Variants in AHCYL2 observed in about 807,000 individuals in gnomAD.
AHCYL2 encodes the protein S-adenosylhomocysteine hydrolase-like protein 2.
A neutral mutation model predicts 81.4 loss-of-function variants in AHCYL2; 28 were observed. The ratio of observed to expected loss-of-function variants is 0.34; its 90% CI spans 0.25 to 0.47. AHCYL2 has a LOEUF of 0.47. Ranked by LOEUF, AHCYL2 falls within the 20% of genes least tolerant of loss-of-function variation. The pLI, the probability that AHCYL2 is intolerant of heterozygous loss-of-function variation, is 1.00. For synonymous variants in AHCYL2, 272 were observed against 290.2 expected (o/e 0.94, Z 0.64); for missense variants, 551 against 785.1 (o/e 0.70, Z 3.56).
At chr7:129,312,259 ATTT>A (rs544482425) in intron 1 of AHCYL2, among the ~76,000 whole-genome samples, 1 of 152,038 alleles carries the variant, frequency 6.6e-6, no homozygotes, top group African/African-American at 2.4e-5. Context: ...TAATTCTGAA[ATTT>A]TTTTGTAGAT....
Position 129,368,329 on chromosome 7 carries a change from G to GA in AHCYL2, c.364-11308dup. 6.9e-7 allele frequency: 1 copy of GA among 1,453,198 alleles called. No homozygotes were observed. Among genetic ancestry groups the GA allele is most frequent in the Non-Finnish European group, 9.1e-7 (1 of 1,102,198 alleles). The allele number at this position is 1,453,198 out of a possible 1,614,324, so 90.0% of individuals were successfully genotyped here. A position where few individuals can be genotyped will look rare whatever the true frequency, so the allele number is the denominator to read the frequency against. On this transcript the variant is annotated intron_variant, in intron 1 of 16. Transcript: ENST00000325006. The surrounding 1 kb of genome is among the most constrained non-coding windows in gnomAD (Gnocchi z 4.4). ...TGTCAGGCAGTTGACTAATGCTCTT[G>GA]ATTTGAATCGGAGGCTGCTGTGAAA...
Position 129,386,818 on chromosome 7 carries a change from T to A in AHCYL2, c.476-2238T>A, listed in dbSNP as rs115146604. Among the ~76,000 whole-genome samples the A allele has an allele frequency of 3.7e-3, 565 of 152,272 alleles. 2 individuals carry two copies. The highest frequency in any genetic ancestry group is 0.013 in the African/African-American group (531 of 41,566). On this transcript the variant is annotated intron_variant, in intron 2 of 16. Coordinates refer to ENST00000325006, the MANE Select transcript of AHCYL2 (RefSeq NM_015328.4). The stretch of plus-strand genomic sequence containing the variant: ...TCACTGCCAGCCAACCACCTGCTGT[T>A]TGGGTAGATTAGTAGGAGATGATGG...
intron 1 of AHCYL2, among the ~76,000 whole-genome samples, chr7:129,323,947 T>C (rs1308248169): frequency 6.7e-6 from 1 of 149,474 alleles, no homozygotes; most frequent in Non-Finnish European, 1.5e-5. Flanking sequence ...CTCAGCCCAC[T>C]GCAACCTCTG....
At chr7:129,230,204 T>A (rs2150673596) in intron 1 of AHCYL2, among the ~76,000 whole-genome samples, 1 of 148,074 alleles carries the variant, frequency 6.8e-6, no homozygotes, top group East Asian at 2.1e-4. Context: ...TGTCTTGCCC[T>A]CCTGAGTAGC....
At chr7:129,392,967 C>A (rs184614777) in intron 4 of AHCYL2, among the ~76,000 whole-genome samples, 1 of 152,184 alleles carries the variant, frequency 6.6e-6, no homozygotes, top group Non-Finnish European at 1.5e-5. Context: ...TCAGGCTATA[C>A]ATCTATGGTG....
intron 1 of AHCYL2, among the ~76,000 whole-genome samples, chr7:129,290,949 A>G (rs887624786): frequency 6.6e-6 from 1 of 151,816 alleles, no homozygotes. Context: ...AAACAAAACA[A>G]AACAGTTAAT....
chr7:129,428,459 G>A lies in AHCYL2; in HGVS notation c.*1414G>A, dbSNP rs1028275026. 2 of 152,232 alleles carry A rather than the reference G, an allele frequency of 1.3e-5. No homozygotes were observed. Among genetic ancestry groups the A allele is most frequent in the Non-Finnish European group, 2.9e-5 (2 of 68,042 alleles). The allele number at this position is 152,232 out of a possible 1,614,324, so 9.4% of individuals were successfully genotyped here. A position where few individuals can be genotyped will look rare whatever the true frequency, so the allele number is the denominator to read the frequency against. On this transcript the variant is annotated 3_prime_UTR_variant, in exon 17 of 17. Transcript: ENST00000325006. The stretch of plus-strand genomic sequence containing the variant: ...TTCATTAGGACCAGATTGGTTCTAA[G>A]AGTTAGTCTGGACTGGCCCTAGGAA...
At chr7:129,384,631 T>TACTCAG (rs1431072791) in intron 2 of AHCYL2, among the ~76,000 whole-genome samples, 1 of 152,214 alleles carries the variant, frequency 6.6e-6, no homozygotes, top group African/African-American at 2.4e-5. Context: ...GAGGCTTACA[T>TACTCAG]AGGCTCTAGC....
chr7:129,376,293 C>T (rs1397298515), intron 1 of AHCYL2, among the ~76,000 whole-genome samples: 1 of 152,156 alleles, frequency 6.6e-6, no homozygotes, highest in African/African-American at 2.4e-5. Flanking sequence ...CACCAGGGAG[C>T]CACTTAACTC....
chr7:129,388,902 T>G (rs888855714), intron 2 of AHCYL2, 154 bp from the exon 3 acceptor site: 6 of 696,002 alleles, frequency 8.6e-6, no homozygotes, highest in Non-Finnish European at 1.1e-5. Context: ...TCAGCTTCCC[T>G]CTTCTGGCAT....
At chr7:129,418,897 A>G (rs1796983509) in intron 12 of AHCYL2, among the ~76,000 whole-genome samples, 1 of 152,252 alleles carries the variant, frequency 6.6e-6, no homozygotes, top group Non-Finnish European at 1.5e-5. Context: ...GAAGTGATAC[A>G]TTGTGACCAA....
At chr7:129,331,270 A>AT (rs1247355534) in intron 1 of AHCYL2, among the ~76,000 whole-genome samples, 12 of 152,158 alleles carry the variant, frequency 7.9e-5, no homozygotes, top group African/African-American at 2.9e-4. Flanking sequence ...GGCAATAGAG[A>AT]ACATGTTATC....
At chr7:129,269,095 C>CT (rs778592412) in intron 1 of AHCYL2, among the ~76,000 whole-genome samples, 2 of 147,458 alleles carry the variant, frequency 1.4e-5, no homozygotes, top group East Asian at 4.0e-4. Context: ...TTCAAAGTTT[C>CT]TTTTTTTTCT....
At chr7:129,274,192 G>T (rs2150731975) in intron 1 of AHCYL2, among the ~76,000 whole-genome samples, 1 of 152,262 alleles carries the variant, frequency 6.6e-6, no homozygotes, top group South Asian at 2.1e-4. Context: ...GAATGAGAGT[G>T]TCTATTGTGC....
intron 1 of AHCYL2, among the ~76,000 whole-genome samples, chr7:129,344,430 C>G (rs1193172751): frequency 6.6e-6 from 1 of 152,148 alleles, no homozygotes; most frequent in African/African-American, 2.4e-5. Flanking sequence ...ATGAACTACT[C>G]ATATAACAGT....
At chr7:129,404,203 C>T (rs1406871907) in intron 7 of AHCYL2, among the ~76,000 whole-genome samples, 2 of 151,848 alleles carry the variant, frequency 1.3e-5, no homozygotes, top group African/African-American at 4.8e-5. Flanking sequence ...ACAAAACAGA[C>T]AGAAAAAAAC....
At chr7:129,341,847 G>T (rs966195706) in intron 1 of AHCYL2, among the ~76,000 whole-genome samples, 2 of 152,148 alleles carry the variant, frequency 1.3e-5, no homozygotes, top group African/African-American at 4.8e-5. Flanking sequence ...TGTGTAATCT[G>T]TCCACGATCT....
chr7:129,321,866 C>T (rs925836232), intron 1 of AHCYL2, among the ~76,000 whole-genome samples: 40 of 150,492 alleles, frequency 2.7e-4, no homozygotes, highest in Non-Finnish European at 5.9e-5. Context: ...ACCTCCACCT[C>T]CCAGGTTCAA....
chr7:129,418,177 T>A (rs1158258539), intron 12 of AHCYL2, among the ~76,000 whole-genome samples: 1 of 152,188 alleles, frequency 6.6e-6, no homozygotes, highest in Non-Finnish European at 1.5e-5. Flanking sequence ...AGGTATAGGC[T>A]ATGTAGAGCT....
Sources: gnomAD v4.1 joint callset for allele counts (sites outside exome capture counted in the v4.1 genomes callset) on GRCh38, gnomAD v4.1.1 for gene constraint, Gnocchi (gnomAD v3.1) non-coding constraint, MANE v1.5 for transcripts, NCBI Gene and HGNC (gene_info 2026-07-23, HGNC 2026-07-21) for gene names.